Variants in MTHFSD observed in about 807,000 individuals in gnomAD.
MTHFSD encodes the protein methenyltetrahydrofolate synthetase domain containing.
A neutral mutation model predicts 31.1 loss-of-function variants in MTHFSD; 37 were observed. The observed-to-expected ratio is 1.19, with a 90% CI of 0.91 to 1.56. MTHFSD has a LOEUF of 1.56. Ranked by LOEUF, MTHFSD falls within the 40% of genes most tolerant of loss-of-function variation. The pLI, the probability that MTHFSD is intolerant of heterozygous loss-of-function variation, is 0.00. For synonymous variants in MTHFSD, 221 were observed against 206.9 expected, an observed-to-expected ratio of 1.07 and a Z score of -0.59; for missense variants, 664 against 510.1, an observed-to-expected ratio of 1.30 and a Z score of -2.91.
At chr16:86,546,779 G>A (rs557697933) in intron 4 of MTHFSD, 130 bp from the exon 5 acceptor site, 15 of 736,832 alleles carry the variant, frequency 2.0e-5, no homozygotes, top group African/African-American at 1.6e-4. Flanking sequence ...ACGCAACACC[G>A]GAGATGTGGC....
chr16:86,549,736 C>T (rs1339236001), intron 3 of MTHFSD, among the ~76,000 whole-genome samples: 1 of 152,290 alleles, frequency 6.6e-6, no homozygotes, highest in African/African-American at 2.4e-5. Flanking sequence ...GTCTTCAAAC[C>T]TCCTTGAGTG....
At chr16:86,545,954 C>T (rs951018418) in intron 5 of MTHFSD, among the ~76,000 whole-genome samples, 1 of 152,196 alleles carries the variant, frequency 6.6e-6, no homozygotes, top group African/African-American at 2.4e-5. Context: ...AAGAGGGCAC[C>T]CTGAAGCTGG....
At chr16:86,532,684 G>A (rs1281725961) in intron 7 of MTHFSD, 11 of 396,756 alleles carry the variant, frequency 2.8e-5, no homozygotes, top group East Asian at 1.1e-4. Flanking sequence ...TCTGCCCCTC[G>A]CCCCTGGCTT....
intron 4 of MTHFSD, chr16:86,547,617 G>T: frequency 3.2e-6 from 3 of 926,362 alleles, no homozygotes; most frequent in Non-Finnish European, 3.9e-6. Context: ...CCATCACCAT[G>T]CTTTCGTCTC....
At chr16:86,549,551 G>C (rs1317280252) in intron 3 of MTHFSD, among the ~76,000 whole-genome samples, 1 of 152,184 alleles carries the variant, frequency 6.6e-6, no homozygotes, top group East Asian at 1.9e-4. Flanking sequence ...TCCCTCATGG[G>C]CAGTGTTGGA....
intron 4 of MTHFSD, 34 bp downstream of exon 4, chr16:86,548,430 T>C (rs1240077769): frequency 6.5e-7 from 1 of 1,545,384 alleles, no homozygotes; most frequent in Non-Finnish European, 8.9e-7. Context: ...GGTACAGTTC[T>C]TTCCTAGGTG....
At chr16:86,538,457 T>C (rs898710662) in intron 7 of MTHFSD, among the ~76,000 whole-genome samples, 14 of 152,176 alleles carry the variant, frequency 9.2e-5, no homozygotes, top group East Asian at 1.9e-4. Context: ...CAGTGACTCA[T>C]AGGACACCAC....
At chr16:86,551,033 C>T (rs896075296) in intron 3 of MTHFSD, among the ~76,000 whole-genome samples, 33 of 152,212 alleles carry the variant, frequency 2.2e-4, no homozygotes, top group Admixed American at 1.1e-3. Flanking sequence ...GTACTATACT[C>T]ATGTTATCAG....
chr16:86,540,865 G>A lies in MTHFSD; in HGVS notation c.681+832C>T, dbSNP rs369637560. 4 of 1,086,210 alleles carry A rather than the reference G, an allele frequency of 3.7e-6. No homozygotes were observed. The South Asian group carries it at 1.0e-4, about 28-fold the overall frequency. 67.3% of individuals were successfully genotyped at this position (1,086,210 alleles called of 1,614,324 possible). ...GGCCAACCGAGGAGTGCACACCTGG[G>A]AGTCCCCAGCAGTGCCTGCCCAGGA... is the stretch of plus-strand genomic sequence containing the variant. On this transcript the variant is annotated intron_variant, in intron 7 of 7. Transcript: ENST00000360900.
At chr16:86,537,006 C>G (rs1341091268) in intron 7 of MTHFSD, among the ~76,000 whole-genome samples, 1 of 152,212 alleles carries the variant, frequency 6.6e-6, no homozygotes, top group African/African-American at 2.4e-5. Flanking sequence ...TTTCTGAATT[C>G]TCATTTCTAC....
chr16:86,554,575 T>G, intron 2 of MTHFSD, 70 bp downstream of exon 2: 1 of 1,186,914 alleles, frequency 8.4e-7, no homozygotes, highest in Non-Finnish European at 1.2e-6. Flanking sequence ...GTAAGAGAAT[T>G]TTATTACTAG....
chr16:86,543,559 G>A (rs889571662), intron 5 of MTHFSD, among the ~76,000 whole-genome samples: 7 of 152,218 alleles, frequency 4.6e-5, no homozygotes, highest in East Asian at 1.9e-4. Flanking sequence ...TGAGAACACC[G>A]TGCAGTTCCT....
At chr16:86,541,528 C>T (rs1971513316) in intron 7 of MTHFSD, 169 bp downstream of exon 7, 1 of 900,212 alleles carries the variant, frequency 1.1e-6, no homozygotes, top group Admixed American at 2.6e-5. Context: ...ATTCTTAGGC[C>T]TGGGCCTGGA....
rs1972353773 is a variant in MTHFSD at position 86,546,629 on chromosome 16, G to T, written c.372C>A (p.Val124=). The T allele has an allele frequency of 2.5e-6, 4 of 1,613,704 alleles. No homozygotes were observed. Among genetic ancestry groups the T allele is most frequent in the Non-Finnish European group, 3.4e-6 (4 of 1,179,960 alleles). The part of the protein sequence containing the change: ...ATSQGVRNYS[V]PIGLDSRVLV... ...GGACTCTGGAGTCCAAGCCTATGGG[G>T]ACACTGTAGTTCCTCACACCCTGCA... Residue 124 remains valine (V), a synonymous_variant, in exon 5 of 8, where the codon GTC becomes GTA. Coordinates refer to ENST00000360900, the MANE Select transcript of MTHFSD (RefSeq NM_001159377.2).
chr16:86,544,988 T>A (rs149200949), intron 5 of MTHFSD, among the ~76,000 whole-genome samples: 2,290 of 152,160 alleles, frequency 0.015, 58 homozygotes, highest in African/African-American at 0.052. Flanking sequence ...TTCTCACTCG[T>A]AAGTGGGAGC....
intron 7 of MTHFSD, chr16:86,541,328 A>G: frequency 2.3e-6 from 2 of 887,318 alleles, no homozygotes; most frequent in Non-Finnish European, 3.1e-6. Flanking sequence ...AAAAGGGAAG[A>G]CCAATGAGAT....
intron 7 of MTHFSD, among the ~76,000 whole-genome samples, chr16:86,538,554 G>A (rs867351871): frequency 9.2e-5 from 14 of 152,220 alleles, no homozygotes; most frequent in African/African-American, 3.1e-4. Context: ...CGACACTAGC[G>A]GGTCCAGGGC....
chr16:86,545,912 G>A (rs945258804), intron 5 of MTHFSD, among the ~76,000 whole-genome samples: 5 of 152,208 alleles, frequency 3.3e-5, no homozygotes. Flanking sequence ...AAAGAACAAT[G>A]TCCCCACATC....
chr16:86,554,492 G>A (rs956428404), intron 2 of MTHFSD, among the ~76,000 whole-genome samples, 153 bp downstream of exon 2: 2 of 152,174 alleles, frequency 1.3e-5, no homozygotes, highest in Non-Finnish European at 2.9e-5. Flanking sequence ...AAATGCTAAG[G>A]ACGCCCTGGC....
Sources: gnomAD v4.1 joint callset for allele counts (sites outside exome capture counted in the v4.1 genomes callset) on GRCh38, gnomAD v4.1.1 for gene constraint, MANE v1.5 for transcripts, NCBI Gene and HGNC (gene_info 2026-07-23, HGNC 2026-07-21) for gene names.